SPATA9: variants seen among roughly 807,000 people sequenced by gnomAD.
SPATA9 encodes spermatogenesis associated 9.
In SPATA9, 27 loss-of-function variants were observed where a neutral mutation model predicts 25.5. That is an observed-to-expected ratio of 1.06 (90% confidence interval 0.78 to 1.46). The LOEUF (loss-of-function observed/expected upper bound fraction) is 1.46, where lower values mean the gene tolerates loss of function less well. Among genes scored for constraint, SPATA9 ranks in the 40% most tolerant of loss-of-function variants. SPATA9 has a pLI of 0.00. For missense variants in SPATA9, 282 were observed against 297.5 expected, an observed-to-expected ratio of 0.95 and a Z score of 0.38; for synonymous variants, 102 against 105.7, an observed-to-expected ratio of 0.97 and a Z score of 0.21.
chr5:95,691,194 C>A (rs890152514), intron 1 of SPATA9, among the ~76,000 whole-genome samples: 1 of 142,628 alleles, frequency 7.0e-6, no homozygotes. Context: ...CCAGCCTGGG[C>A]GACAGAGCAA....
chr5:95,721,516 G>T, the SPATA9 span, among the ~76,000 whole-genome samples: 2 of 152,048 alleles, frequency 1.3e-5, no homozygotes, highest in African/African-American at 4.8e-5. Flanking sequence ...AATATAGCCA[G>T]GGGAAAGAAA....
intron 3 of SPATA9, 97 bp downstream of exon 3, chr5:95,675,315 A>G: frequency 1.0e-6 from 1 of 974,492 alleles, no homozygotes; most frequent in Non-Finnish European, 1.5e-6. Context: ...TCTGTTTTAC[A>G]CTGGACAATC....
chr5:95,683,779 C>T (rs985789245), upstream of SPATA9, among the ~76,000 whole-genome samples: 20 of 152,130 alleles, frequency 1.3e-4, no homozygotes, highest in South Asian at 2.1e-4. Flanking sequence ...CCTCATGATC[C>T]GCCTGCCTCG....
At chr5:95,696,293 A>C in intron 1 of SPATA9, among the ~76,000 whole-genome samples, 1 of 101,498 alleles carries the variant, frequency 9.9e-6, no homozygotes, top group Admixed American at 9.2e-5. Context: ...CAATTCATTT[A>C]AAACTAACAA....
At chr5:95,702,924 C>T (rs1487443800), upstream of SPATA9, among the ~76,000 whole-genome samples, 7 of 152,156 alleles carry the variant, frequency 4.6e-5, no homozygotes, top group Non-Finnish European at 5.9e-5. Context: ...AACTCTACTG[C>T]GGAACATGCA....
chr5:95,713,454 A>G, the SPATA9 span: 1 of 149,972 alleles, frequency 6.7e-6, no homozygotes, highest in Non-Finnish European at 1.5e-5. Flanking sequence ...AGTGTGTAGC[A>G]CCTCCCCCTT....
chr5:95,710,708 C>G, the SPATA9 span, among the ~76,000 whole-genome samples: 3 of 152,218 alleles, frequency 2.0e-5, no homozygotes, highest in Non-Finnish European at 4.4e-5. Context: ...AAAGCCTGTT[C>G]TTCTGTGTCT....
the SPATA9 span, among the ~76,000 whole-genome samples, chr5:95,707,623 G>A: frequency 0.013 from 2,022 of 152,258 alleles, 37 homozygotes; most frequent in African/African-American, 0.045. Context: ...GGCTTTGGGC[G>A]TTATCAATCA....
At chr5:95,718,733 G>A in the SPATA9 span, among the ~76,000 whole-genome samples, 1 of 152,196 alleles carries the variant, frequency 6.6e-6, no homozygotes, top group Admixed American at 6.5e-5. Flanking sequence ...TGGGGTTTTA[G>A]ACTGAAAAGC....
At chr5:95,674,151 C>A (rs1178005814) in intron 3 of SPATA9, among the ~76,000 whole-genome samples, 4 of 152,128 alleles carry the variant, frequency 2.6e-5, no homozygotes. Flanking sequence ...TATAAAAGAG[C>A]CTTTTATGAA....
intron 2 of SPATA9, 148 bp from the exon 3 acceptor site, chr5:95,675,787 A>G (rs1461162240): frequency 3.3e-6 from 2 of 607,554 alleles, no homozygotes; most frequent in Non-Finnish European, 5.6e-6. Context: ...CCCCCCATGA[A>G]ACCCCTTGAA....
At chr5:95,707,528 A>G in the SPATA9 span, among the ~76,000 whole-genome samples, 1 of 152,084 alleles carries the variant, frequency 6.6e-6, no homozygotes, top group Non-Finnish European at 1.5e-5. Flanking sequence ...AAAGTAGTCA[A>G]AAAGTTAAAA....
chr5:95,666,157 G>C (rs1444846336), intron 3 of SPATA9, among the ~76,000 whole-genome samples: 2 of 152,120 alleles, frequency 1.3e-5, no homozygotes, highest in African/African-American at 4.8e-5. Context: ...GCAGAAAAAA[G>C]AAAAGTAGGC....
At chr5:95,665,554 T>C (rs973269488) in intron 3 of SPATA9, among the ~76,000 whole-genome samples, 25 of 152,378 alleles carry the variant, frequency 1.6e-4, no homozygotes, top group African/African-American at 5.8e-4. Context: ...ATGACAGAAT[T>C]CTTTTTAATG....
At chr5:95,729,698 G>A in the SPATA9 span, among the ~76,000 whole-genome samples, 1 of 151,886 alleles carries the variant, frequency 6.6e-6, no homozygotes, top group Non-Finnish European at 1.5e-5. Context: ...CCCAGCCCCT[G>A]GTAACCATGA....
chr5:95,652,349 T>A (rs184371339), downstream of SPATA9: 116 of 1,549,114 alleles, frequency 7.5e-5, no homozygotes, highest in Admixed American at 3.7e-4. Context: ...CATAGAATTC[T>A]ATGACCTGGA....
downstream of SPATA9, among the ~76,000 whole-genome samples, chr5:95,655,728 T>G (rs1489088185): frequency 6.6e-6 from 1 of 152,224 alleles, no homozygotes; most frequent in Admixed American, 6.5e-5. Context: ...TAGAAGCACT[T>G]GAAGTCCTTG....
downstream of SPATA9, chr5:95,652,423 G>A (rs1750397007): frequency 1.4e-6 from 2 of 1,475,424 alleles, no homozygotes; most frequent in Non-Finnish European, 9.1e-7. Flanking sequence ...TTGTTGACTT[G>A]ACATCTCTAC....
At chr5:95,656,209 A>T, downstream of SPATA9, 4 of 1,614,038 alleles carry the variant, frequency 2.5e-6, no homozygotes, top group Non-Finnish European at 3.4e-6. Flanking sequence ...GTGACAGTAG[A>T]CAACGGAAAT....
Sources: allele counts gnomAD v4.1 joint callset (sites outside exome capture counted in the v4.1 genomes callset), GRCh38; gene constraint gnomAD v4.1.1; transcripts MANE v1.5; gene names NCBI Gene and HGNC (gene_info 2026-07-23, HGNC 2026-07-21).